The following CHD1 variants were observed in gnomAD, a reference collection of about 807,000 sequenced individuals.
CHD1 encodes chromodomain helicase DNA binding protein 1.
A neutral mutation model predicts 224.2 loss-of-function variants in CHD1; 36 were observed. The observed-to-expected ratio is 0.16, with a 90% CI of 0.12 to 0.21. The LOEUF (loss-of-function observed/expected upper bound fraction) is 0.21, where lower values mean the gene tolerates loss of function less well. CHD1 is among the 10% of genes least tolerant of loss of function. The probability of loss-of-function intolerance (pLI) is 1.00; values close to 1 mark genes in which losing one functional copy is unlikely to be tolerated. For synonymous variants in CHD1, 668 were observed against 658.3 expected, an observed-to-expected ratio of 1.01 and a Z score of -0.23; for missense variants, 1,378 against 1,994.8, an observed-to-expected ratio of 0.69 and a Z score of 5.89.
intron 2 of CHD1, among the ~76,000 whole-genome samples, chr5:98,920,788 C>T (rs1420171956): frequency 3.4e-5 from 5 of 147,550 alleles, no homozygotes; most frequent in African/African-American, 7.6e-5. Context: ...CAGAGCAAGA[C>T]GCCGTCTCAA....
intron 14 of CHD1, 143 bp downstream of exon 14, chr5:98,893,273 C>A: frequency 1.9e-6 from 1 of 522,750 alleles, no homozygotes. Flanking sequence ...TACCTGACCT[C>A]ATTTTCCTTT....
intron 24 of CHD1, 98 bp from the exon 25 acceptor site, chr5:98,875,211 A>G: frequency 1.4e-6 from 1 of 703,868 alleles, no homozygotes; most frequent in Non-Finnish European, 2.4e-6. Context: ...ACTTGTTAGT[A>G]TAAAAATTCA....
chr5:98,915,149 T>C (rs1752658027), intron 2 of CHD1, among the ~76,000 whole-genome samples: 1 of 152,204 alleles, frequency 6.6e-6, no homozygotes, highest in Admixed American at 6.5e-5. Context: ...CAAAGTTTGA[T>C]GAAATAGTAC....
intron 2 of CHD1, among the ~76,000 whole-genome samples, chr5:98,910,875 G>C (rs545583022): frequency 1.9e-4 from 29 of 151,234 alleles, no homozygotes; most frequent in Non-Finnish European, 3.4e-4. Context: ...TCTACAAATA[G>C]TGATACAAAA....
intron 28 of CHD1, 48 bp from the exon 29 acceptor site, chr5:98,870,851 G>A: frequency 8.9e-7 from 1 of 1,127,776 alleles, no homozygotes; most frequent in Non-Finnish European, 1.3e-6. Flanking sequence ...AATAACATGA[G>A]AAATGTACTG....
At chr5:98,867,558 A>ATGTGTGTGTG (rs71226948) in intron 31 of CHD1, among the ~76,000 whole-genome samples, 9 of 150,842 alleles carry the variant, frequency 6.0e-5, no homozygotes, top group African/African-American at 2.2e-4. Flanking sequence ...ACTATTACAC[A>ATGTGTGTGTG]TGTGTGTGTG....
chr5:98,880,098 T>TA (rs1561501622), intron 22 of CHD1, among the ~76,000 whole-genome samples: 2 of 152,240 alleles, frequency 1.3e-5, no homozygotes, highest in African/African-American at 4.8e-5. Context: ...TCTAATATCA[T>TA]TTTTATGGTC....
intron 32 of CHD1, chr5:98,860,668 T>C (rs531256172): frequency 6.4e-6 from 1 of 155,340 alleles, no homozygotes; most frequent in Admixed American, 6.3e-5. Flanking sequence ...ATCATCAAAT[T>C]GTATACCTTA....
intron 28 of CHD1, among the ~76,000 whole-genome samples, 175 bp from the exon 29 acceptor site, chr5:98,870,978 A>C (rs1259105926): frequency 2.6e-5 from 4 of 152,142 alleles, no homozygotes; most frequent in South Asian, 4.1e-4. Context: ...TGCCAGAGCC[A>C]AAAATTTAAT....
At chr5:98,876,822 A>G (rs1386053852) in intron 23 of CHD1, among the ~76,000 whole-genome samples, 1 of 152,122 alleles carries the variant, frequency 6.6e-6, no homozygotes, top group African/African-American at 2.4e-5. Flanking sequence ...ATTTTTCCTG[A>G]GGAGATCAGA....
chr5:98,921,044 T>C (rs1753062282), intron 2 of CHD1, among the ~76,000 whole-genome samples: 1 of 152,154 alleles, frequency 6.6e-6, no homozygotes, highest in South Asian at 2.1e-4. Context: ...GTAATAGTTT[T>C]TTAAAAAAGA....
intron 23 of CHD1, among the ~76,000 whole-genome samples, chr5:98,878,283 A>G (rs147778463): frequency 6.6e-6 from 1 of 152,362 alleles, no homozygotes; most frequent in Admixed American, 6.5e-5. Context: ...ACAGGAAGGA[A>G]GCCTTGCCAG....
intron 31 of CHD1, among the ~76,000 whole-genome samples, chr5:98,866,107 TA>T (rs1036046931): frequency 1.3e-4 from 19 of 151,622 alleles, no homozygotes; most frequent in African/African-American, 4.6e-4. Flanking sequence ...ACAGAGTAGG[TA>T]AAAAACAAAA....
At chr5:98,890,179 A>T (rs980402108) in intron 15 of CHD1, among the ~76,000 whole-genome samples, 6 of 152,200 alleles carry the variant, frequency 3.9e-5, no homozygotes, top group African/African-American at 1.4e-4. Flanking sequence ...AGCTGAATTT[A>T]AAAAAGAAAA....
chr5:98,925,890 T>C (rs561382826), intron 2 of CHD1, among the ~76,000 whole-genome samples: 1 of 151,100 alleles, frequency 6.6e-6, no homozygotes. Flanking sequence ...TATTTTGTAA[T>C]TGAGTTCAAA....
chr5:98,870,540 T>C (rs1425062494), intron 29 of CHD1, 147 bp downstream of exon 29: 1 of 457,952 alleles, frequency 2.2e-6, no homozygotes, highest in African/African-American at 2.0e-5. Context: ...AAAATTTAAA[T>C]ATGGCAACAT....
At chr5:98,888,003 C>T (rs1580433543) in intron 17 of CHD1, 85 bp downstream of exon 17, 1 of 864,040 alleles carries the variant, frequency 1.2e-6, no homozygotes. Flanking sequence ...AACCTAAACA[C>T]TTATAAAATA....
intron 33 of CHD1, 135 bp from the exon 34 acceptor site, chr5:98,859,150 C>A: frequency 1.8e-6 from 1 of 559,156 alleles, no homozygotes; most frequent in Admixed American, 3.8e-5. Flanking sequence ...TGTATATATA[C>A]ATGTATGACA....
chr5:98,887,857 T>A (rs1750753459), intron 17 of CHD1, among the ~76,000 whole-genome samples: 1 of 151,990 alleles, frequency 6.6e-6, no homozygotes, highest in Non-Finnish European at 1.5e-5. Context: ...AAAGACAGAA[T>A]TAAAAGAAAA....
Sources: gnomAD v4.1 joint callset for allele counts (sites outside exome capture counted in the v4.1 genomes callset) on GRCh38, gnomAD v4.1.1 for gene constraint, MANE v1.5 for transcripts, NCBI Gene and HGNC (gene_info 2026-07-23, HGNC 2026-07-21) for gene names.